Variants in HS3ST4 observed in about 807,000 individuals in gnomAD.
The protein encoded by HS3ST4 is heparan sulfate glucosamine 3-O-sulfotransferase 4.
A neutral mutation model predicts 29.2 loss-of-function variants in HS3ST4; 17 were observed. The observed-to-expected ratio is 0.58, with a 90% CI of 0.40 to 0.87. The LOEUF is 0.87. Ranked by LOEUF, HS3ST4 falls within the 40% of genes least tolerant of loss-of-function variation. HS3ST4 has a pLI of 0.00. For synonymous variants in HS3ST4, 314 were observed against 285.7 expected (o/e 1.10, Z -1.00); for missense variants, 627 against 634.5 (o/e 0.99, Z 0.13).
chr16:26,050,300 C>T (rs993236930), intron 1 of HS3ST4, among the ~76,000 whole-genome samples: 1 of 151,696 alleles, frequency 6.6e-6, no homozygotes, highest in African/African-American at 2.4e-5. Context: ...CTCTCTGTCT[C>T]TCTCTCTCTC....
chr16:25,920,195 C>T (rs151058753), intron 1 of HS3ST4, among the ~76,000 whole-genome samples: 3 of 152,228 alleles, frequency 2.0e-5, no homozygotes, highest in Admixed American at 2.0e-4. Context: ...ATTGCAGTAA[C>T]CTAAGCTGCT....
chr16:25,805,497 G>T (rs544605618), intron 1 of HS3ST4, among the ~76,000 whole-genome samples: 2 of 151,858 alleles, frequency 1.3e-5, no homozygotes, highest in Non-Finnish European at 2.9e-5. Context: ...ATGATTTCCC[G>T]CCTCTAATTT....
In HS3ST4 at chr16:25,810,530, T is replaced by C. The variant is rs535476353; in HGVS notation, c.734+117379T>C. On this transcript the variant is annotated intron_variant, in intron 1 of 1. Transcript: ENST00000331351. Reference sequence around the variant, plus strand: ...CTGTTGCGTTTCTCTCTAGTAGTTCTCTCATTTGCTGAGAATAGGGTGTTG... The same window carrying C: ...CTGTTGCGTTTCTCTCTAGTAGTTCCCTCATTTGCTGAGAATAGGGTGTTG... Among the ~76,000 whole-genome samples the C allele has an allele frequency of 3.9e-3, 597 of 152,318 alleles. 5 individuals carry two copies. The highest frequency in any genetic ancestry group is 0.013 in the African/African-American group (552 of 41,568).
rs559740166 is a variant in HS3ST4 at position 25,968,628 on chromosome 16, CACAGGCTGTCTCTGTCCCTT to C, written c.735-166974_735-166955del. Reference sequence around the variant, plus strand: ...GTTCTAGATCCAGTTTGTCTGGGTTCACAGGCTGTCTCTGTCCCTTACAGGCTGTGTGACATTGGACTAAT... The same window carrying C: ...GTTCTAGATCCAGTTTGTCTGGGTTCACAGGCTGTGTGACATTGGACTAAT... On this transcript the variant is annotated intron_variant, in intron 1 of 1. Transcript: ENST00000331351. 3.9e-5 allele frequency among the ~76,000 whole-genome samples: 6 copies of C among 152,272 alleles called. No individual in the cohort carries two copies. In the East Asian group the frequency reaches 1.2e-3, roughly 29 times the overall value.
At chr16:26,098,278 T>C (rs954141276) in intron 1 of HS3ST4, among the ~76,000 whole-genome samples, 7 of 152,220 alleles carry the variant, frequency 4.6e-5, no homozygotes, top group Non-Finnish European at 8.8e-5. Flanking sequence ...TAACGACATA[T>C]GCACCCATAT....
chr16:25,770,555 A>G (rs1441436868), intron 1 of HS3ST4, among the ~76,000 whole-genome samples: 1 of 152,174 alleles, frequency 6.6e-6, no homozygotes, highest in African/African-American at 2.4e-5. Flanking sequence ...ACGCTCTACA[A>G]TGGCTGAGGG....
At chr16:25,874,960 G>T (rs993156368) in intron 1 of HS3ST4, among the ~76,000 whole-genome samples, 5 of 152,070 alleles carry the variant, frequency 3.3e-5, no homozygotes, top group Non-Finnish European at 7.4e-5. Context: ...ATTATTAAAA[G>T]AATTAAACAC....
chr16:26,059,973 T>C (rs1898455875), intron 1 of HS3ST4, among the ~76,000 whole-genome samples: 1 of 151,866 alleles, frequency 6.6e-6, no homozygotes, highest in Non-Finnish European at 1.5e-5. Flanking sequence ...AGAGATGGGG[T>C]TTCACTGTGT....
chr16:25,940,550 A>G lies in HS3ST4; in HGVS notation c.735-195062A>G, dbSNP rs1244350405. The stretch of plus-strand genomic sequence containing the variant: ...TGGAGTTCGTTCCAGCTATGCTGAG[A>G]GCTGGGAGAGCTCTCATGTTTGGGA... On this transcript the variant is annotated intron_variant, in intron 1 of 1. Coordinates refer to ENST00000331351, the MANE Select transcript of HS3ST4 (RefSeq NM_006040.3). Among the ~76,000 whole-genome samples, 5 of 152,324 alleles carry G rather than the reference A, an allele frequency of 3.3e-5. No homozygotes were observed. In the South Asian group the frequency reaches 1.0e-3, roughly 32 times the overall value.
chr16:26,010,881 A>G (rs1269171862), intron 1 of HS3ST4, among the ~76,000 whole-genome samples: 1 of 152,226 alleles, frequency 6.6e-6, no homozygotes, highest in Non-Finnish European at 1.5e-5. Context: ...TTACTATATT[A>G]TATGAAACAA....
intron 1 of HS3ST4, among the ~76,000 whole-genome samples, chr16:26,101,783 T>A (rs1250340169): frequency 6.6e-6 from 1 of 152,226 alleles, no homozygotes; most frequent in African/African-American, 2.4e-5. Context: ...GAATCACTTT[T>A]TGATTCTACA....
chr16:25,907,761 T>C (rs1479780193), intron 1 of HS3ST4, among the ~76,000 whole-genome samples: 1 of 152,200 alleles, frequency 6.6e-6, no homozygotes, highest in Non-Finnish European at 1.5e-5. Flanking sequence ...TTTTTAATAT[T>C]GATCTCTCCA....
intron 1 of HS3ST4, among the ~76,000 whole-genome samples, chr16:25,981,946 T>G (rs1187767996): frequency 6.6e-6 from 1 of 152,154 alleles, no homozygotes; most frequent in East Asian, 1.9e-4. Flanking sequence ...GAAACCTCCT[T>G]AACAGCTGCA....
chr16:25,910,096 G>C (rs1462312712), intron 1 of HS3ST4, among the ~76,000 whole-genome samples: 2 of 152,214 alleles, frequency 1.3e-5, no homozygotes, highest in African/African-American at 4.8e-5. Context: ...CAATAGGCTT[G>C]AATGTGATTC....
At chr16:26,131,515 A>T (rs549989435) in intron 1 of HS3ST4, among the ~76,000 whole-genome samples, 5 of 152,182 alleles carry the variant, frequency 3.3e-5, no homozygotes, top group African/African-American at 7.2e-5. Flanking sequence ...TGAGAACATG[A>T]GTATATTGAA....
chr16:26,067,017 T>C (rs1230406582), intron 1 of HS3ST4, among the ~76,000 whole-genome samples: 4 of 152,204 alleles, frequency 2.6e-5, no homozygotes, highest in Non-Finnish European at 4.4e-5. Flanking sequence ...AGGAGCTAGA[T>C]CAGGTAGGAA....
At chr16:25,948,571 G>A (rs147971900) in intron 1 of HS3ST4, among the ~76,000 whole-genome samples, 1 of 152,238 alleles carries the variant, frequency 6.6e-6, no homozygotes, top group East Asian at 1.9e-4. Context: ...TCCTGTTGCT[G>A]CATTCTCACA....
At chr16:25,729,799 G>A (rs1292178837) in intron 1 of HS3ST4, among the ~76,000 whole-genome samples, 2 of 152,132 alleles carry the variant, frequency 1.3e-5, no homozygotes, top group Non-Finnish European at 2.9e-5. Context: ...ATTTTTGCTT[G>A]AAGTGGTTTT....
At chr16:25,847,144 G>A (rs1967475105) in intron 1 of HS3ST4, among the ~76,000 whole-genome samples, 1 of 151,684 alleles carries the variant, frequency 6.6e-6, no homozygotes, top group South Asian at 2.1e-4. Context: ...AATGTATGAT[G>A]TTTCAGTCAA....
Sources: gnomAD v4.1 joint callset for allele counts (sites outside exome capture counted in the v4.1 genomes callset) on GRCh38, gnomAD v4.1.1 for gene constraint, MANE v1.5 for transcripts, NCBI Gene and HGNC (gene_info 2026-07-23, HGNC 2026-07-21) for gene names.